Variants in ZEB1 observed in about 807,000 individuals in gnomAD.
ZEB1 encodes the protein zinc finger E-box-binding homeobox 1.
ZEB1 carries 21 observed loss-of-function variants against 84.9 expected under a neutral mutation model. That is an observed-to-expected ratio of 0.25 (90% CI 0.18 to 0.36). The LOEUF (loss-of-function observed/expected upper bound fraction) is 0.36, where lower values mean the gene tolerates loss of function less well. Among genes scored for constraint, ZEB1 ranks in the 10% least tolerant of loss-of-function variants. The pLI, the probability that ZEB1 is intolerant of heterozygous loss-of-function variation, is 1.00. For missense variants in ZEB1, 1,104 were observed against 1,330.2 expected (o/e 0.83, Z 2.65); for synonymous variants, 420 against 471.1 (o/e 0.89, Z 1.41).
Position 31,521,623 on chromosome 10 carries a change from T to C in ZEB1, c.2291T>C (p.Val764Ala), listed in dbSNP as rs752911356. The change falls in exon 7 of 9, where the codon GTC becomes GCC. Residue 764 changes from valine to alanine, a missense_variant. Around this residue, in one of 7 missense-constraint regions of ZEB1, gnomAD observed 531 missense variants for 575.2 expected, o/e 0.92. Transcript: ENST00000424869. ...GTTTACCAGAACAGTGTTTATTCTGTCCAGGAAGAACCCTTGAACTTGTCT... is the reference window on the plus strand; with the variant it reads ...GTTTACCAGAACAGTGTTTATTCTGCCCAGGAAGAACCCTTGAACTTGTCT... ...TSVYQNSVYS[V>A]QEEPLNLSCA... 3.1e-6 allele frequency: 5 copies of C among 1,614,094 alleles called. No individual in the cohort carries two copies. The Admixed American group carries it at 6.7e-5, about 22-fold the overall frequency.
At chr10:31,369,899 C>CT (rs1418831202) in intron 1 of ZEB1, among the ~76,000 whole-genome samples, 1 of 152,230 alleles carries the variant, frequency 6.6e-6, no homozygotes, top group Non-Finnish European at 1.5e-5. Context: ...AAAAGCTACT[C>CT]TAACAGGTGT....
At chr10:31,462,361 A>G (rs960435163) in intron 2 of ZEB1, among the ~76,000 whole-genome samples, 1 of 152,122 alleles carries the variant, frequency 6.6e-6, no homozygotes, top group South Asian at 2.1e-4. Flanking sequence ...TGTGGATAAG[A>G]CTCTCTGCAT....
chr10:31,447,785 G>C (rs934834479), intron 1 of ZEB1, among the ~76,000 whole-genome samples: 195 of 152,324 alleles, frequency 1.3e-3, no homozygotes, highest in Admixed American at 4.6e-3. Context: ...GAGATCAGCT[G>C]TTAGTCTGAT....
At chr10:31,478,425 G>T (rs1412615801) in intron 2 of ZEB1, among the ~76,000 whole-genome samples, 1 of 151,816 alleles carries the variant, frequency 6.6e-6, no homozygotes, top group Admixed American at 6.6e-5. Flanking sequence ...TAGTACAACC[G>T]CTATGGAAAA....
intron 1 of ZEB1, among the ~76,000 whole-genome samples, chr10:31,397,422 G>A (rs1270779598): frequency 6.6e-6 from 1 of 151,868 alleles, no homozygotes; most frequent in Non-Finnish European, 1.5e-5. Flanking sequence ...TAAAAGGACA[G>A]CTCAATTGCC....
rs1294484321 is a variant in ZEB1 at position 31,397,156 on chromosome 10, TTTTTTA to T, written c.59-63878_59-63873del. On this transcript the variant is annotated intron_variant, in intron 1 of 8. Transcript: ENST00000424869. ...GCCTCCCGAGAAGCTTCATCTTGGG[TTTTTTA>T]TTATTATTATTATTATTATTATTAT... Among the ~76,000 whole-genome samples the T allele has an allele frequency of 6.3e-3, 744 of 118,678 alleles. 2 individuals carry two copies. The highest frequency in any genetic ancestry group is 9.3e-3 in the Non-Finnish European group (523 of 55,954). The allele number at this position is 118,678 out of a possible 152,430, so 77.9% of individuals were successfully genotyped here.
chr10:31,423,021 G>A (rs773558211), intron 1 of ZEB1, among the ~76,000 whole-genome samples: 6 of 151,868 alleles, frequency 4.0e-5, no homozygotes, highest in African/African-American at 1.2e-4. Context: ...TAATGGCTGC[G>A]TAGCATTTCA....
intron 2 of ZEB1, among the ~76,000 whole-genome samples, chr10:31,486,226 T>A (rs929814125): frequency 2.6e-5 from 4 of 151,744 alleles, no homozygotes; most frequent in Non-Finnish European, 5.9e-5. Context: ...AAGTTAAGTT[T>A]TCATTTCTCT....
intron 1 of ZEB1, among the ~76,000 whole-genome samples, chr10:31,432,453 G>A (rs1207110847): frequency 6.6e-6 from 1 of 152,102 alleles, no homozygotes; most frequent in Non-Finnish European, 1.5e-5. Flanking sequence ...GCCAGGTGTG[G>A]TACTGTGTGC....
At chr10:31,391,264 TGTGTGTGTGTGTGA>T (rs1313776150) in intron 1 of ZEB1, among the ~76,000 whole-genome samples, 23 of 147,094 alleles carry the variant, frequency 1.6e-4, no homozygotes, top group African/African-American at 5.3e-4. Flanking sequence ...TGTGTGTGTG[TGTGTGTGTGTGTGA>T]GATCCAATAA....
At chr10:31,512,581 T>C (rs12243822) in intron 5 of ZEB1, among the ~76,000 whole-genome samples, 2,172 of 152,316 alleles carry the variant, frequency 0.014, 51 homozygotes, top group African/African-American at 0.05. Context: ...TCAAGTCTTA[T>C]TAACTTGTTT....
At chr10:31,416,380 T>C (rs958074660) in intron 1 of ZEB1, among the ~76,000 whole-genome samples, 2 of 152,188 alleles carry the variant, frequency 1.3e-5, no homozygotes, top group East Asian at 3.8e-4. Flanking sequence ...AATACTAATT[T>C]ATTTCTTACC....
chr10:31,380,486 G>A (rs1465426373), intron 1 of ZEB1, among the ~76,000 whole-genome samples: 2 of 152,134 alleles, frequency 1.3e-5, no homozygotes, highest in Non-Finnish European at 2.9e-5. Context: ...TTGGGCAGTG[G>A]TGCCAACCCA....
chr10:31,409,488 A>C (rs2053811432), intron 1 of ZEB1, among the ~76,000 whole-genome samples: 1 of 152,084 alleles, frequency 6.6e-6, no homozygotes, highest in South Asian at 2.1e-4. Flanking sequence ...TGTCTTGGCT[A>C]TACGGGCTCT....
chr10:31,415,741 CT>C (rs2055113101), intron 1 of ZEB1, among the ~76,000 whole-genome samples: 1 of 151,950 alleles, frequency 6.6e-6, no homozygotes, highest in Admixed American at 6.6e-5. Context: ...TATTTGTTGT[CT>C]TTTTTGCCTT....
Position 31,495,814 on chromosome 10 carries a change from C to G in ZEB1, c.298C>G (p.Gln100Glu). 1 of 1,613,030 alleles carries G rather than the reference C, an allele frequency of 6.2e-7. No homozygotes were observed. Among genetic ancestry groups the G allele is most frequent in the Non-Finnish European group, 8.5e-7 (1 of 1,179,210 alleles). Residue 100 changes from glutamine (Q) to glutamate (E), a missense_variant, in exon 3 of 9, where the codon CAG becomes GAG. Gln to Glu is a conservative substitution (Grantham distance 29). This residue lies in a region of ZEB1 where 162 missense variants were observed against 184.5 expected (regional missense o/e 0.88). Coordinates refer to ENST00000424869, the MANE Select transcript of ZEB1 (RefSeq NM_001174096.2). ...GCAAGAAATCCTGGGGCCTGAAGCT[C>G]AGGCAGATGAAGCAGGATGTACAGG... ...EGQEILGPEA[Q>E]ADEAGCTVKD... is the part of the protein sequence containing the mutation.
At chr10:31,443,323 T>C (rs988168337) in intron 1 of ZEB1, among the ~76,000 whole-genome samples, 1 of 152,144 alleles carries the variant, frequency 6.6e-6, no homozygotes, top group Non-Finnish European at 1.5e-5. Context: ...TTGACTTGAT[T>C]TTTTTCTGTG....
chr10:31,433,168 T>G (rs971430147), intron 1 of ZEB1, among the ~76,000 whole-genome samples: 1 of 152,250 alleles, frequency 6.6e-6, no homozygotes, highest in African/African-American at 2.4e-5. Flanking sequence ...ACCCACTTAC[T>G]AATTTGCAAC....
intron 1 of ZEB1, among the ~76,000 whole-genome samples, chr10:31,371,393 T>C: frequency 6.6e-6 from 1 of 152,236 alleles, no homozygotes; most frequent in East Asian, 1.9e-4. Context: ...AATTTATCTT[T>C]GGTCTTCTCC....
Sources: allele counts gnomAD v4.1 joint callset (sites outside exome capture counted in the v4.1 genomes callset), GRCh38; gene constraint gnomAD v4.1.1; regional missense constraint gnomAD v4.1.1; transcripts MANE v1.5; gene names NCBI Gene and HGNC (gene_info 2026-07-23, HGNC 2026-07-21).